ATP5F1A: variants seen among roughly 807,000 people sequenced by gnomAD.
ATP5F1A encodes the protein ATP synthase F1 subunit alpha.
In ATP5F1A, 24 loss-of-function variants were observed where a neutral mutation model predicts 57.4. The observed-to-expected ratio is 0.42, with a 90% confidence interval of 0.30 to 0.59. The LOEUF is 0.59. ATP5F1A is among the 20% of genes least tolerant of loss of function. The pLI is 0.19. For synonymous variants in ATP5F1A, 251 were observed against 255.5 expected, an observed-to-expected ratio of 0.98 and a Z score of 0.17; for missense variants, 494 against 707.9, an observed-to-expected ratio of 0.70 and a Z score of 3.43.
chr18:46,097,273 C>G (rs1217608599), intron 1 of ATP5F1A, among the ~76,000 whole-genome samples: 1 of 152,012 alleles, frequency 6.6e-6, no homozygotes, highest in African/African-American at 2.4e-5. Context: ...AAACAGCCAA[C>G]ATGTTTATTT....
At chr18:46,097,155 C>T (rs954939566) in intron 1 of ATP5F1A, among the ~76,000 whole-genome samples, 1 of 152,046 alleles carries the variant, frequency 6.6e-6, no homozygotes, top group East Asian at 1.9e-4. Flanking sequence ...CGACTGGTCA[C>T]TGTCAATTCT....
In ATP5F1A at chr18:46,086,511, T is replaced by C. The variant is rs764514903; in HGVS notation, c.1177-17A>G. 3.7e-6 allele frequency: 6 copies of C among 1,602,442 alleles called. No individual in the cohort carries two copies. Among genetic ancestry groups the C allele is most frequent in the Admixed American group, 1.7e-5 (1 of 58,730 alleles). ...CAAGAAGATCTATAATGTAAGGAAA[T>C]ACGCACGCTAGCAAGCTTAAAGTAA... is the stretch of plus-strand genomic sequence containing the variant. On this transcript the variant is annotated splice_polypyrimidine_tract_variant and intron_variant, in intron 8 of 11. Coordinates refer to ENST00000398752, the MANE Select transcript of ATP5F1A (RefSeq NM_004046.6).
At chr18:46,084,948 A>G (rs1309703840) in intron 10 of ATP5F1A, 1 of 263,560 alleles carries the variant, frequency 3.8e-6, no homozygotes, top group African/African-American at 2.2e-5. Context: ...TATTTTGCTG[A>G]AATGACTTGA....
At chr18:46,100,670 C>G (rs2144231503), upstream of ATP5F1A, among the ~76,000 whole-genome samples, 1 of 152,280 alleles carries the variant, frequency 6.6e-6, no homozygotes, top group Non-Finnish European at 1.5e-5. Flanking sequence ...TTCATTGTCA[C>G]TAGTAAGGTT....
At chr18:46,099,979 A>G (rs1911220703), upstream of ATP5F1A, among the ~76,000 whole-genome samples, 1 of 152,152 alleles carries the variant, frequency 6.6e-6, no homozygotes, top group Non-Finnish European at 1.5e-5. Flanking sequence ...AGCCAGGCGC[A>G]GTGGCTCACG....
At chr18:46,094,184 CACAT>C (rs1200133192) in intron 2 of ATP5F1A, among the ~76,000 whole-genome samples, 1 of 138,048 alleles carries the variant, frequency 7.2e-6, no homozygotes, top group African/African-American at 2.8e-5. Context: ...CACACACACA[CACAT>C]ATACACACAC....
chr18:46,100,280 AAAAAG>A (rs1301602060), upstream of ATP5F1A, among the ~76,000 whole-genome samples: 2 of 151,296 alleles, frequency 1.3e-5, no homozygotes, highest in African/African-American at 2.4e-5. Context: ...AAAGAAAGAA[AAAAAG>A]AAAAGAAAAA....
intron 5 of ATP5F1A, 54 bp downstream of exon 5, chr18:46,089,512 C>T: frequency 6.3e-7 from 1 of 1,595,742 alleles, no homozygotes; most frequent in Non-Finnish European, 8.6e-7. Context: ...AAAATATAAT[C>T]CTTCCATTGA....
chr18:46,095,172 G>C (rs771898815), intron 1 of ATP5F1A, 41 bp from the exon 2 acceptor site: 5 of 1,593,080 alleles, frequency 3.1e-6, no homozygotes, highest in Middle Eastern at 1.7e-4. Context: ...TTTTAACAAA[G>C]CCTTTATAAA....
At chr18:46,094,215 A>G (rs556311634) in intron 2 of ATP5F1A, among the ~76,000 whole-genome samples, 3 of 152,108 alleles carry the variant, frequency 2.0e-5, no homozygotes, top group South Asian at 2.1e-4. Context: ...ACACACATAT[A>G]TATTTAACCT....
In ATP5F1A at chr18:46,089,803, CT is replaced by C; in HGVS notation, c.483+19del. The stretch of plus-strand genomic sequence containing the variant: ...TGTTTGTTAGAAGCTGCAACTATAT[CT>C]AACGAACATTAAACCTACCTTTCCA... On this transcript the variant is annotated intron_variant, in intron 4 of 11. Transcript: ENST00000398752. The C allele has an allele frequency of 6.2e-7, 1 of 1,609,440 alleles. No homozygotes were observed. The highest frequency in any genetic ancestry group is 8.5e-7 in the Non-Finnish European group (1 of 1,177,464).
At chr18:46,085,002 C>G in intron 10 of ATP5F1A, 1 of 178,830 alleles carries the variant, frequency 5.6e-6, no homozygotes, top group Non-Finnish European at 1.2e-5. Context: ...TGCCAAATTA[C>G]ATATTCATAT....
At position 46,095,054 on chromosome 18, in the gene ATP5F1A, A is replaced by G. The variant is rs1310176467; in HGVS notation, c.138T>C (p.Thr46=). ...GTAGACTGAGAAATAATAACTTACC[A>G]GTCTTTTGAAGATGAGTGTTAGAGG... ...FHASNTHLQK[T]GTAEMSSILE... The change falls in exon 2 of 12, where the codon ACT becomes ACC. Residue 46 remains threonine, a splice_region_variant and synonymous_variant. Transcript: ENST00000398752. 6.2e-7 allele frequency: 1 copy of G among 1,610,302 alleles called. No homozygotes were observed. The highest frequency in any genetic ancestry group is 1.3e-5 in the African/African-American group (1 of 74,744).
Position 46,081,683 on chromosome 18 carries a change from A to AAAAAAAAAAAAAAAAAC in ATP5F1A, c.*2598_*2599insGTTTTTTTTTTTTTTTT, listed in dbSNP as rs1909756046. The AAAAAAAAAAAAAAAAAC allele has an allele frequency of 3.0e-5, 2 of 66,960 alleles. No homozygotes were observed. Among genetic ancestry groups the AAAAAAAAAAAAAAAAAC allele is most frequent in the African/African-American group, 9.9e-5 (2 of 20,180 alleles). The allele number at this position is 66,960 out of a possible 1,614,324, so 4.1% of individuals were successfully genotyped here. A position where few individuals can be genotyped will look rare whatever the true frequency, so the allele number is the denominator to read the frequency against. On this transcript the variant is annotated 3_prime_UTR_variant, in exon 12 of 12. Coordinates refer to ENST00000398752, the MANE Select transcript of ATP5F1A (RefSeq NM_004046.6). Reference sequence around the variant, plus strand: ...CTCAAAAAAAAAAAACAAAAAAAAAAAAAAAAAAAAAAAACGAAATGTGCA... The same window carrying AAAAAAAAAAAAAAAAAC: ...CTCAAAAAAAAAAAACAAAAAAAAAAAAAAAAAAAAAAAAAACAAAAAAAAAAAAAACGAAATGTGCA...
At position 46,082,171 on chromosome 18, in the gene ATP5F1A, C is replaced by A. The variant is rs1909791583; in HGVS notation, c.*2111G>T. On this transcript the variant is annotated 3_prime_UTR_variant, in exon 12 of 12. Coordinates refer to ENST00000398752, the MANE Select transcript of ATP5F1A (RefSeq NM_004046.6). Reference sequence around the variant, plus strand: ...GGCCGAGGTAAGTGGATCATGAGGTCAGGAGATCGAGACCATCCTGGCGAA... The same window carrying A: ...GGCCGAGGTAAGTGGATCATGAGGTAAGGAGATCGAGACCATCCTGGCGAA... 6.7e-6 allele frequency: 1 copy of A among 149,238 alleles called. No homozygotes were observed. Among genetic ancestry groups the A allele is most frequent in the African/African-American group, 2.5e-5 (1 of 40,528 alleles). The allele number at this position is 149,238 out of a possible 1,614,324, so 9.2% of individuals were successfully genotyped here.
upstream of ATP5F1A, among the ~76,000 whole-genome samples, chr18:46,101,611 A>C (rs117755960): frequency 7.4e-3 from 1,120 of 151,778 alleles, 15 homozygotes; most frequent in Middle Eastern, 0.021. Flanking sequence ...TAACAACAAA[A>C]TTAGCCGGCA....
intron 1 of ATP5F1A, among the ~76,000 whole-genome samples, chr18:46,103,515 C>T (rs971095909): frequency 4.7e-5 from 7 of 148,480 alleles, no homozygotes; most frequent in South Asian, 4.3e-4. Flanking sequence ...GCAGGAGAAT[C>T]GCTTGAACCC....
intron 1 of ATP5F1A, among the ~76,000 whole-genome samples, chr18:46,103,768 G>T (rs1911363292): frequency 6.6e-6 from 1 of 152,158 alleles, no homozygotes; most frequent in Non-Finnish European, 1.5e-5. Context: ...ACAAAAATTA[G>T]CCAGGCGTGG....
chr18:46,095,292 A>G, intron 1 of ATP5F1A, 161 bp from the exon 2 acceptor site: 1 of 645,476 alleles, frequency 1.5e-6, no homozygotes, highest in African/African-American at 1.8e-5. Context: ...GTAGCTTTTG[A>G]TATATGTGAA....
Sources: allele counts gnomAD v4.1 joint callset (sites outside exome capture counted in the v4.1 genomes callset), GRCh38; gene constraint gnomAD v4.1.1; transcripts MANE v1.5; gene names NCBI Gene and HGNC (gene_info 2026-07-23, HGNC 2026-07-21).